CAPRIN2: variants seen among roughly 807,000 people sequenced by gnomAD.
CAPRIN2 encodes caprin family member 2, also known as caprin-2.
In CAPRIN2, 66 loss-of-function variants were observed where a neutral mutation model predicts 130.4. The observed-to-expected ratio is 0.51, with a 90% CI of 0.42 to 0.62. CAPRIN2 has a LOEUF of 0.62. CAPRIN2 is among the 20% of genes least tolerant of loss of function. The pLI, the probability that CAPRIN2 is intolerant of heterozygous loss-of-function variation, is 0.00. For synonymous variants in CAPRIN2, 471 were observed against 444.1 expected, an observed-to-expected ratio of 1.06 and a Z score of -0.76; for missense variants, 1,185 against 1,246.6, an observed-to-expected ratio of 0.95 and a Z score of 0.74.
At chr12:30,742,620 G>T (rs182736044) in intron 2 of CAPRIN2, among the ~76,000 whole-genome samples, 13 of 151,310 alleles carry the variant, frequency 8.6e-5, no homozygotes, top group African/African-American at 2.9e-4. Context: ...AAAGCAAACT[G>T]CAGAATATAT....
chr12:30,716,587 G>A, exon 13 of CAPRIN2: 2 of 1,613,870 alleles, frequency 1.2e-6, no homozygotes, highest in Non-Finnish European at 1.7e-6. Flanking sequence ...TACTTGCTGT[G>A]GTAAAACTTT....
chr12:30,724,375 G>A (rs773153949), exon 10 of CAPRIN2: 1 of 1,604,984 alleles, frequency 6.2e-7, no homozygotes, highest in Non-Finnish European at 8.5e-7. Context: ...CATACCTACG[G>A]GGCTACCTGG....
chr12:30,726,513 A>G (rs756163476), intron 8 of CAPRIN2, among the ~76,000 whole-genome samples: 1 of 152,152 alleles, frequency 6.6e-6, no homozygotes, highest in African/African-American at 2.4e-5. Flanking sequence ...TCAAAATGTA[A>G]ATACATATAT....
chr12:30,709,626 G>A (rs1565521560), exon 17 of CAPRIN2: 1 of 285,554 alleles, frequency 3.5e-6, no homozygotes, highest in Non-Finnish European at 6.6e-6. Context: ...AGTTTAGTAA[G>A]CTGAACGTTA....
chr12:30,713,821 T>C (rs1237779689), exon 15 of CAPRIN2: 1 of 1,611,072 alleles, frequency 6.2e-7, no homozygotes, highest in Non-Finnish European at 8.5e-7. Context: ...ACTCTCTAGC[T>C]TGGAACTGCA....
intron 2 of CAPRIN2, among the ~76,000 whole-genome samples, chr12:30,745,717 C>CA (rs571828529): frequency 6.2e-4 from 93 of 150,934 alleles, no homozygotes; most frequent in African/African-American, 2.1e-3. Flanking sequence ...TAACCAAAAA[C>CA]AAAAAAGCAG....
Position 30,710,513 on chromosome 12 carries a change from A to C in CAPRIN2, c.2666-43T>G, listed in dbSNP as rs761265039. ...GTGAGTTTCTCATAATGAAGCAGTTAGCTTTGAACACAATATTTAACATTA... is the reference window on the plus strand; with the variant it reads ...GTGAGTTTCTCATAATGAAGCAGTTCGCTTTGAACACAATATTTAACATTA... On this transcript the variant is annotated intron_variant, in intron 16 of 16. Coordinates refer to ENST00000298892, the Ensembl canonical transcript of CAPRIN2. The surrounding 1 kb of genome is among the most constrained non-coding windows in gnomAD (Gnocchi z 4.8). The C allele has an allele frequency of 6.2e-7, 1 of 1,610,584 alleles. No individual in the cohort carries two copies. The highest frequency in any genetic ancestry group is 8.5e-7 in the Non-Finnish European group (1 of 1,179,082).
chr12:30,747,450 G>GGT (rs2071170247), intron 2 of CAPRIN2, among the ~76,000 whole-genome samples: 1 of 152,108 alleles, frequency 6.6e-6, no homozygotes, highest in African/African-American at 2.4e-5. Flanking sequence ...GGCCGAGGCG[G>GGT]GCAGATCACC....
exon 8 of CAPRIN2, chr12:30,728,944 G>C: frequency 6.2e-7 from 1 of 1,614,186 alleles, no homozygotes; most frequent in Non-Finnish European, 8.5e-7. Flanking sequence ...ACTGGCCACA[G>C]CTTTGGTGTC....
intron 15 of CAPRIN2, among the ~76,000 whole-genome samples, chr12:30,713,018 A>G (rs1034657883): frequency 2.0e-5 from 3 of 152,168 alleles, no homozygotes; most frequent in Admixed American, 2.0e-4. Context: ...CTGGGATTAC[A>G]GGCGTGAGTC....
intron 1 of CAPRIN2, 113 bp from the exon 3 acceptor site, chr12:30,751,246 C>G (rs1681511198): frequency 1.2e-6 from 1 of 803,874 alleles, no homozygotes. Context: ...AGCTATCAAT[C>G]TGCAAGACTA....
intron 4 of CAPRIN2, among the ~76,000 whole-genome samples, chr12:30,734,756 A>T (rs1386952796): frequency 6.6e-6 from 1 of 152,098 alleles, no homozygotes; most frequent in Non-Finnish European, 1.5e-5. Flanking sequence ...CTTTCCTTCC[A>T]GACAATCTGT....
intron 15 of CAPRIN2, 104 bp downstream of exon 17, chr12:30,713,681 G>T: frequency 1.5e-6 from 1 of 649,700 alleles, no homozygotes; most frequent in Admixed American, 2.5e-5. Flanking sequence ...AAAACTAAGA[G>T]TGCACTTTCA....
intron 8 of CAPRIN2, among the ~76,000 whole-genome samples, chr12:30,727,400 G>C (rs1008846346): frequency 6.6e-6 from 1 of 152,116 alleles, no homozygotes; most frequent in Non-Finnish European, 1.5e-5. Context: ...AAAATGCAAT[G>C]CTTTGCTTTC....
chr12:30,737,391 T>C (rs1213095099), intron 3 of CAPRIN2, among the ~76,000 whole-genome samples: 2 of 152,128 alleles, frequency 1.3e-5, no homozygotes, highest in Non-Finnish European at 2.9e-5. Context: ...TATCAGGGCC[T>C]CAAATTTTTG....
At chr12:30,717,666 T>C (rs2058080168) in intron 12 of CAPRIN2, among the ~76,000 whole-genome samples, 1 of 152,182 alleles carries the variant, frequency 6.6e-6, no homozygotes, top group Non-Finnish European at 1.5e-5. Flanking sequence ...AAGTTAATCT[T>C]CCTGCTATTA....
chr12:30,722,533 T>C (rs1365932234), intron 11 of CAPRIN2, among the ~76,000 whole-genome samples: 2 of 138,910 alleles, frequency 1.4e-5, no homozygotes, highest in African/African-American at 2.6e-5. Flanking sequence ...AAAATGTAAC[T>C]GCTTTAGTAA....
Position 30,753,587 on chromosome 12 carries a change from T to C in CAPRIN2, c.177A>G (p.Gln59=), listed in dbSNP as rs562117200. 13 of 1,613,708 alleles carry C rather than the reference T, an allele frequency of 8.1e-6. No individual in the cohort carries two copies. In the Admixed American group the frequency reaches 1.2e-4, roughly 14 times the overall value. ...GGTAACCAAAAGGGGATGAAAAGAG[T>C]TGCACCATTGAAACAGATGAGGCTG... Residue 59 remains glutamine, a synonymous_variant, in exon 1 of 17, where the codon CAA becomes CAG. Transcript: ENST00000298892.
intron 3 of CAPRIN2, among the ~76,000 whole-genome samples, chr12:30,739,507 G>A (rs2066391629): frequency 6.6e-6 from 1 of 152,138 alleles, no homozygotes; most frequent in Non-Finnish European, 1.5e-5. Context: ...CCCATGACAT[G>A]AGTTTAACTT....
Sources: gnomAD v4.1 joint callset for allele counts (sites outside exome capture counted in the v4.1 genomes callset) on GRCh38, gnomAD v4.1.1 for gene constraint, Gnocchi (gnomAD v3.1) non-coding constraint, MANE v1.5 for transcripts, NCBI Gene and HGNC (gene_info 2026-07-23, HGNC 2026-07-21) for gene names.